STXBP6: variants seen among roughly 807,000 people sequenced by gnomAD.
STXBP6 encodes syntaxin binding protein 6, also known as syntaxin-binding protein 6.
Under a neutral mutation model 26.9 loss-of-function variants are expected in STXBP6, and 21 were observed. The ratio of observed to expected loss-of-function variants is 0.78; its 90% CI spans 0.55 to 1.12. The LOEUF (loss-of-function observed/expected upper bound fraction) is 1.12. Ranked by LOEUF, STXBP6 falls within the 50% of genes most tolerant of loss-of-function variation. STXBP6 has a pLI of 0.00. For synonymous variants in STXBP6, 97 were observed against 92.6 expected, an observed-to-expected ratio of 1.05 and a Z score of -0.27; for missense variants, 232 against 257.9, an observed-to-expected ratio of 0.90 and a Z score of 0.69.
chr14:25,021,303 T>G (rs1321174508), intron 1 of STXBP6, among the ~76,000 whole-genome samples: 1 of 152,160 alleles, frequency 6.6e-6, no homozygotes, highest in Non-Finnish European at 1.5e-5. Flanking sequence ...ACATGATCAA[T>G]TCTCCCTTTC....
intron 2 of STXBP6, among the ~76,000 whole-genome samples, chr14:24,958,059 T>C (rs898879189): frequency 6.6e-6 from 1 of 152,206 alleles, no homozygotes; most frequent in Non-Finnish European, 1.5e-5. Flanking sequence ...TCTATCTTTT[T>C]AAAACTCATT....
intron 4 of STXBP6, among the ~76,000 whole-genome samples, chr14:24,822,216 C>G (rs1324113600): frequency 6.6e-6 from 1 of 152,120 alleles, no homozygotes; most frequent in Non-Finnish European, 1.5e-5. Flanking sequence ...ACCCCAATAT[C>G]TGCCCAGGTC....
At chr14:25,036,255 T>C (rs978985648) in intron 1 of STXBP6, among the ~76,000 whole-genome samples, 2 of 149,622 alleles carry the variant, frequency 1.3e-5, no homozygotes, top group Admixed American at 6.7e-5. Context: ...AGGTTGTGGA[T>C]TGCAGCTTTC....
intron 2 of STXBP6, among the ~76,000 whole-genome samples, chr14:24,955,629 G>T (rs1416767173): frequency 6.6e-6 from 1 of 152,096 alleles, no homozygotes; most frequent in Non-Finnish European, 1.5e-5. Flanking sequence ...GGCCCATGAT[G>T]AGATGAGTGG....
intron 2 of STXBP6, among the ~76,000 whole-genome samples, chr14:24,878,420 G>A (rs1160305625): frequency 6.6e-6 from 1 of 151,830 alleles, no homozygotes. Context: ...TTTCCATATT[G>A]TGATTTAGTT....
intron 2 of STXBP6, 122 bp downstream of exon 2, chr14:24,974,542 GA>G: frequency 3.7e-6 from 3 of 802,270 alleles, no homozygotes; most frequent in East Asian, 2.9e-5. Context: ...GAAAAACGGG[GA>G]AAAGGAGCAA....
intron 2 of STXBP6, among the ~76,000 whole-genome samples, chr14:24,881,925 A>G (rs1267481463): frequency 6.6e-6 from 1 of 152,198 alleles, no homozygotes; most frequent in Admixed American, 6.5e-5. Context: ...ATTGGAGGCC[A>G]GTGGCCTACA....
At chr14:24,917,548 C>T (rs1220517278) in intron 2 of STXBP6, among the ~76,000 whole-genome samples, 1 of 151,866 alleles carries the variant, frequency 6.6e-6, no homozygotes, top group African/African-American at 2.4e-5. Flanking sequence ...AACTGAATAA[C>T]CATATGCAAA....
chr14:25,012,792 A>C (rs1011360209), intron 1 of STXBP6, among the ~76,000 whole-genome samples: 1 of 152,122 alleles, frequency 6.6e-6, no homozygotes, highest in African/African-American at 2.4e-5. Context: ...GCATCCTCAG[A>C]CTACACTTTG....
At chr14:24,905,718 C>T (rs745671467) in intron 2 of STXBP6, among the ~76,000 whole-genome samples, 1 of 152,210 alleles carries the variant, frequency 6.6e-6, no homozygotes, top group Non-Finnish European at 1.5e-5. Context: ...CTTTCATTTA[C>T]TTCAACAAAT....
At chr14:24,993,914 A>G (rs1199572116) in intron 1 of STXBP6, among the ~76,000 whole-genome samples, 2 of 152,054 alleles carry the variant, frequency 1.3e-5, no homozygotes, top group Non-Finnish European at 2.9e-5. Context: ...GGTAGCCCCT[A>G]TGAGTTTTCT....
chr14:24,890,716 A>C (rs1024208834), intron 2 of STXBP6, among the ~76,000 whole-genome samples: 2 of 152,230 alleles, frequency 1.3e-5, no homozygotes, highest in African/African-American at 4.8e-5. Flanking sequence ...ATACAAAGCC[A>C]CAACATCTTC....
rs1210612627 is a variant in STXBP6, at chr14:25,049,481, C to T, written c.-33+397G>A. Reference sequence around the variant, plus strand: ...GCTAGAGGCGCAGCGACCCCGAGCTCCCCCACACTGGGAGCCTCGGGGCAG... The same window carrying T: ...GCTAGAGGCGCAGCGACCCCGAGCTTCCCCACACTGGGAGCCTCGGGGCAG... On this transcript the variant is annotated intron_variant, in intron 1 of 5. Transcript: ENST00000323944. This position sits in a 1 kb window ranked among gnomAD's most constrained non-coding sequence, Gnocchi z 5.6. 4.8e-5 allele frequency: 47 copies of T among 985,220 alleles called. No homozygotes were observed. The highest frequency in any genetic ancestry group is 5.5e-5 in the Non-Finnish European group (46 of 829,904). The allele number at this position is 985,220 out of a possible 1,614,324, so 61.0% of individuals were successfully genotyped here. A position where few individuals can be genotyped will look rare whatever the true frequency, so the allele number is the denominator to read the frequency against.
chr14:25,017,052 G>A (rs1036358776), intron 1 of STXBP6, among the ~76,000 whole-genome samples: 3 of 152,152 alleles, frequency 2.0e-5, no homozygotes, highest in Non-Finnish European at 4.4e-5. Context: ...CAGTAACCTG[G>A]TCAACTAGAT....
intron 1 of STXBP6, among the ~76,000 whole-genome samples, chr14:24,986,469 G>A (rs1304138849): frequency 6.6e-6 from 1 of 152,184 alleles, no homozygotes; most frequent in East Asian, 1.9e-4. Flanking sequence ...CTCGGTTTGG[G>A]AATTAATGTG....
At chr14:24,956,743 A>C (rs2073357575) in intron 2 of STXBP6, among the ~76,000 whole-genome samples, 1 of 152,102 alleles carries the variant, frequency 6.6e-6, no homozygotes, top group Non-Finnish European at 1.5e-5. Context: ...TGCTGTTTTT[A>C]TTTTTGTAAT....
At chr14:25,031,162 C>T (rs1276236480) in intron 1 of STXBP6, among the ~76,000 whole-genome samples, 1 of 152,162 alleles carries the variant, frequency 6.6e-6, no homozygotes, top group African/African-American at 2.4e-5. Context: ...TCACTTGGTT[C>T]TCCCCTTGTA....
chr14:24,947,314 A>C (rs1170610377), intron 2 of STXBP6, among the ~76,000 whole-genome samples: 3 of 152,208 alleles, frequency 2.0e-5, no homozygotes, highest in African/African-American at 7.2e-5. Flanking sequence ...CATGATGGGA[A>C]CAGCCCACAG....
chr14:24,843,142 C>T (rs1217806927), intron 4 of STXBP6, among the ~76,000 whole-genome samples: 1 of 152,150 alleles, frequency 6.6e-6, no homozygotes, highest in Non-Finnish European at 1.5e-5. Flanking sequence ...CTCTGAGGCT[C>T]AGTTTCTTCG....
Sources: gnomAD v4.1 joint callset for allele counts (sites outside exome capture counted in the v4.1 genomes callset) on GRCh38, gnomAD v4.1.1 for gene constraint, Gnocchi (gnomAD v3.1) non-coding constraint, MANE v1.5 for transcripts, NCBI Gene and HGNC (gene_info 2026-07-23, HGNC 2026-07-21) for gene names.